PTPRG: variants seen among roughly 807,000 people sequenced by gnomAD.
PTPRG encodes protein tyrosine phosphatase receptor type G.
Under a neutral mutation model 165.3 loss-of-function variants are expected in PTPRG, and 102 were observed. That is an observed-to-expected ratio of 0.62 (90% CI 0.53 to 0.73). The LOEUF (loss-of-function observed/expected upper bound fraction) is 0.73, where lower values mean the gene tolerates loss of function less well. PTPRG is among the 30% of genes least tolerant of loss of function. The pLI, the probability that PTPRG is intolerant of heterozygous loss-of-function variation, is 0.00. For missense variants in PTPRG, 1,866 were observed against 1,861.4 expected (o/e 1.00, Z -0.05); for synonymous variants, 675 against 669.5 (o/e 1.01, Z -0.13).
chr3:61,838,687 A>T (rs1382417598), intron 2 of PTPRG, among the ~76,000 whole-genome samples: 1 of 152,206 alleles, frequency 6.6e-6, no homozygotes, highest in Non-Finnish European at 1.5e-5. Flanking sequence ...TATTTCAATA[A>T]CACTGTAATG....
chr3:61,654,415 C>T (rs1702451322), intron 1 of PTPRG, among the ~76,000 whole-genome samples: 1 of 152,034 alleles, frequency 6.6e-6, no homozygotes. Context: ...GACAGGGTCT[C>T]ACTCTGTCCC....
At chr3:62,014,201 A>C (rs1400336331) in intron 4 of PTPRG, among the ~76,000 whole-genome samples, 1 of 152,166 alleles carries the variant, frequency 6.6e-6, no homozygotes, top group African/African-American at 2.4e-5. Flanking sequence ...TCTTCCCTTT[A>C]AATCCCTGGC....
chr3:61,996,156 T>C (rs1352916699), intron 3 of PTPRG, among the ~76,000 whole-genome samples: 1 of 152,166 alleles, frequency 6.6e-6, no homozygotes, highest in Non-Finnish European at 1.5e-5. Flanking sequence ...ATTTTGATAT[T>C]GACAATAATA....
chr3:61,897,329 T>C (rs1051357473), intron 2 of PTPRG, among the ~76,000 whole-genome samples: 10 of 152,172 alleles, frequency 6.6e-5, no homozygotes, highest in African/African-American at 2.2e-4. Context: ...TCCAGTTACT[T>C]TGGCACCATC....
chr3:61,647,155 G>C (rs1702221598), intron 1 of PTPRG, among the ~76,000 whole-genome samples: 1 of 152,182 alleles, frequency 6.6e-6, no homozygotes, highest in African/African-American at 2.4e-5. Context: ...CGTATAGTAA[G>C]TACATATTTA....
intron 4 of PTPRG, among the ~76,000 whole-genome samples, chr3:62,052,986 C>G (rs777148789): frequency 6.6e-6 from 1 of 152,160 alleles, no homozygotes; most frequent in Non-Finnish European, 1.5e-5. Flanking sequence ...ACAGCCCACA[C>G]CACGCATTAA....
intron 2 of PTPRG, among the ~76,000 whole-genome samples, chr3:61,910,019 C>T (rs1333357456): frequency 6.6e-6 from 1 of 152,152 alleles, no homozygotes. Flanking sequence ...CTCTTTCACT[C>T]ATATTCCATT....
chr3:62,034,803 T>C (rs1281937011), intron 4 of PTPRG, among the ~76,000 whole-genome samples: 2 of 152,230 alleles, frequency 1.3e-5, no homozygotes, highest in Non-Finnish European at 2.9e-5. Flanking sequence ...GAGTTTTCTG[T>C]ATCTTTCTCC....
intron 2 of PTPRG, among the ~76,000 whole-genome samples, chr3:61,964,592 C>A (rs2107648124): frequency 6.6e-6 from 1 of 152,240 alleles, no homozygotes; most frequent in South Asian, 2.1e-4. Flanking sequence ...GTGATATGAC[C>A]TGTTCTGCCT....
At chr3:61,686,392 C>T (rs1218462973) in intron 1 of PTPRG, among the ~76,000 whole-genome samples, 5 of 152,188 alleles carry the variant, frequency 3.3e-5, no homozygotes, top group African/African-American at 1.2e-4. Flanking sequence ...TGGCCTGTGC[C>T]GTGAGTAGTT....
intron 1 of PTPRG, among the ~76,000 whole-genome samples, chr3:61,707,801 A>T (rs984889264): frequency 1.3e-5 from 2 of 152,030 alleles, no homozygotes; most frequent in African/African-American, 2.4e-5. Context: ...TTTTATTATT[A>T]TTTTTGAGAC....
intron 5 of PTPRG, among the ~76,000 whole-genome samples, chr3:62,081,634 T>C (rs1294786229): frequency 1.3e-5 from 2 of 152,212 alleles, no homozygotes; most frequent in African/African-American, 4.8e-5. Flanking sequence ...CGTCAGCCAC[T>C]GCGCCCGGCC....
At chr3:61,795,204 C>G (rs571954257) in intron 2 of PTPRG, among the ~76,000 whole-genome samples, 75 of 152,282 alleles carry the variant, frequency 4.9e-4, no homozygotes, top group African/African-American at 1.7e-3. Context: ...GCTGGGATTT[C>G]AGTCATGGTG....
At chr3:61,649,490 A>C (rs1702290056) in intron 1 of PTPRG, among the ~76,000 whole-genome samples, 1 of 152,218 alleles carries the variant, frequency 6.6e-6, no homozygotes, top group South Asian at 2.1e-4. Context: ...TCTCATGCAG[A>C]AGTGGAAAAA....
intron 4 of PTPRG, among the ~76,000 whole-genome samples, chr3:62,053,236 T>C (rs963015726): frequency 2.0e-5 from 3 of 151,862 alleles, no homozygotes; most frequent in African/African-American, 7.2e-5. Context: ...TTGTTAGTGA[T>C]TATCTGTATT....
At chr3:62,199,612 C>A (rs1467036582) in intron 10 of PTPRG, among the ~76,000 whole-genome samples, 1 of 152,134 alleles carries the variant, frequency 6.6e-6, no homozygotes, top group East Asian at 1.9e-4. Context: ...TAGAAGTTTG[C>A]AGGCCAAACA....
At chr3:61,574,092 G>C (rs1011078778) in intron 1 of PTPRG, among the ~76,000 whole-genome samples, 9 of 151,354 alleles carry the variant, frequency 5.9e-5, no homozygotes, top group Non-Finnish European at 1.2e-4. Flanking sequence ...GGTGGTCATT[G>C]TATCAAAAGT....
chr3:61,743,049 C>G, intron 1 of PTPRG: 1 of 1,597,314 alleles, frequency 6.3e-7, no homozygotes, highest in East Asian at 2.2e-5. Flanking sequence ...TGCGCTGGTT[C>G]CGGTGCAGGA....
chr3:61,944,121 A>G (rs2039697712), intron 2 of PTPRG, among the ~76,000 whole-genome samples: 1 of 152,026 alleles, frequency 6.6e-6, no homozygotes, highest in Non-Finnish European at 1.5e-5. Flanking sequence ...TTGTTGTTGT[A>G]GGGGCTTTCC....
Sources: gnomAD v4.1 joint callset for allele counts (sites outside exome capture counted in the v4.1 genomes callset) on GRCh38, gnomAD v4.1.1 for gene constraint, MANE v1.5 for transcripts, NCBI Gene and HGNC (gene_info 2026-07-23, HGNC 2026-07-21) for gene names.